DPP10: variants seen among roughly 807,000 people sequenced by gnomAD.
DPP10 encodes inactive dipeptidyl peptidase 10.
DPP10 carries 33 observed loss-of-function variants against 120.9 expected under a neutral mutation model. The observed-to-expected ratio is 0.27, with a 90% CI of 0.21 to 0.37. The LOEUF is 0.37. Among genes scored for constraint, DPP10 ranks in the 10% least tolerant of loss-of-function variants. The pLI, the probability that DPP10 is intolerant of heterozygous loss-of-function variation, is 1.00. For synonymous variants in DPP10, 337 were observed against 326.1 expected (o/e 1.03, Z -0.36); for missense variants, 816 against 942.8 (o/e 0.87, Z 1.76).
chr2:114,606,564 G>C (rs544736999), intron 1 of DPP10, among the ~76,000 whole-genome samples: 1 of 151,940 alleles, frequency 6.6e-6, no homozygotes, highest in South Asian at 2.1e-4. Flanking sequence ...TCATATATTC[G>C]GACCAGTCTA....
intron 1 of DPP10, among the ~76,000 whole-genome samples, chr2:115,006,731 AC>A (rs1361386922): frequency 2.0e-5 from 3 of 152,144 alleles, no homozygotes; most frequent in Non-Finnish European, 4.4e-5. Flanking sequence ...GTCCTGAGTG[AC>A]CTAAAAAGAG....
intron 2 of DPP10, among the ~76,000 whole-genome samples, chr2:115,312,379 G>T (rs1276353008): frequency 6.6e-6 from 1 of 152,072 alleles, no homozygotes; most frequent in Non-Finnish European, 1.5e-5. Context: ...CCTTTACGGT[G>T]GGCTCAACCC....
chr2:115,209,313 T>C (rs1228722610), intron 1 of DPP10, among the ~76,000 whole-genome samples: 1 of 152,122 alleles, frequency 6.6e-6, no homozygotes, highest in Non-Finnish European at 1.5e-5. Flanking sequence ...AATGAAGCTA[T>C]TTATAAATCT....
At chr2:115,810,407 C>G (rs961284326) in intron 19 of DPP10, among the ~76,000 whole-genome samples, 3 of 152,120 alleles carry the variant, frequency 2.0e-5, no homozygotes, top group Non-Finnish European at 4.4e-5. Context: ...GAACAAATCT[C>G]TATACTTTAA....
At chr2:114,863,431 G>A (rs373778191) in intron 1 of DPP10, among the ~76,000 whole-genome samples, 17 of 152,130 alleles carry the variant, frequency 1.1e-4, no homozygotes, top group African/African-American at 3.9e-4. Context: ...ATCAGACGTC[G>A]TGTTCTGAAA....
chr2:115,321,973 C>A (rs1405586568), intron 2 of DPP10, among the ~76,000 whole-genome samples: 1 of 152,106 alleles, frequency 6.6e-6, no homozygotes, highest in African/African-American at 2.4e-5. Flanking sequence ...TGATTTCCTT[C>A]AGCTCTGTGA....
At chr2:115,312,352 G>T (rs1465718080) in intron 2 of DPP10, among the ~76,000 whole-genome samples, 1 of 152,086 alleles carries the variant, frequency 6.6e-6, no homozygotes, top group African/African-American at 2.4e-5. Context: ...CAGCAAAATG[G>T]CAGTGTAGTC....
intron 3 of DPP10, among the ~76,000 whole-genome samples, chr2:115,371,495 A>G (rs1000498026): frequency 6.6e-6 from 1 of 152,144 alleles, no homozygotes; most frequent in Non-Finnish European, 1.5e-5. Context: ...TTTATTGAAT[A>G]CCTTTTTCCC....
intron 1 of DPP10, among the ~76,000 whole-genome samples, chr2:114,882,359 A>G (rs1691715352): frequency 6.6e-6 from 1 of 152,152 alleles, no homozygotes; most frequent in African/African-American, 2.4e-5. Context: ...ATTTGCAGCA[A>G]GTTGGATGGA....
chr2:115,282,440 A>G (rs11902982), intron 1 of DPP10, among the ~76,000 whole-genome samples: 2,086 of 152,238 alleles, frequency 0.014, 44 homozygotes, highest in African/African-American at 0.048. Context: ...TTCTGAAAAT[A>G]GAATTAAAAA....
chr2:114,821,333 T>A (rs778010466), intron 1 of DPP10, among the ~76,000 whole-genome samples: 5 of 152,168 alleles, frequency 3.3e-5, no homozygotes, highest in Admixed American at 6.5e-5. Context: ...ACAATGGTGG[T>A]GAGAATTGCC....
At chr2:114,629,739 T>C (rs765484048) in intron 1 of DPP10, among the ~76,000 whole-genome samples, 17 of 152,176 alleles carry the variant, frequency 1.1e-4, no homozygotes, top group Non-Finnish European at 1.3e-4. Flanking sequence ...CATTAAAATG[T>C]GTATACCGTT....
chr2:115,542,271 G>A (rs896152907), intron 5 of DPP10, among the ~76,000 whole-genome samples: 4 of 151,694 alleles, frequency 2.6e-5, no homozygotes, highest in Non-Finnish European at 4.4e-5. Context: ...CTGGCAACCC[G>A]TTTTCCATTT....
rs150639968 is a variant in DPP10 at position 114,451,572 on chromosome 2, A to G, written c.60+8734A>G. Among the ~76,000 whole-genome samples the G allele has an allele frequency of 2.1e-3, 327 of 152,266 alleles. 3 individuals carry two copies. The highest frequency in any genetic ancestry group is 7.6e-3 in the African/African-American group (314 of 41,574). ...AAACAGAGAAAATGTGCAAAGATGA[A>G]GAAAAAAGGCAATGCAACTGTCATG... On this transcript the variant is annotated intron_variant, in intron 1 of 25. Transcript: ENST00000410059.
intron 1 of DPP10, among the ~76,000 whole-genome samples, chr2:115,167,273 A>T (rs889926777): frequency 1.3e-5 from 2 of 151,756 alleles, no homozygotes; most frequent in African/African-American, 2.4e-5. Context: ...AAAAAAAAAA[A>T]AATCTGGGCC....
intron 5 of DPP10, among the ~76,000 whole-genome samples, chr2:115,543,802 G>A (rs1261031532): frequency 5.3e-5 from 8 of 151,958 alleles, no homozygotes; most frequent in African/African-American, 1.9e-4. Flanking sequence ...GTCAATGAGC[G>A]TTAACATTTG....
chr2:115,791,121 T>C lies in DPP10; in HGVS notation c.1572T>C (p.Ala524=). The change falls in exon 18 of 26, where the codon GCT becomes GCC. Residue 524 remains alanine, a synonymous_variant. Transcript: ENST00000410059. ...ILESNSMLKE[A]ILKKKIGKPE... ...AAAGCAATTCTATGCTGAAGGAAGC[T>C]ATCCTGAAGAAGAAGATAGGAAAGC... 1 of 1,613,498 alleles carries C rather than the reference T, an allele frequency of 6.2e-7. No homozygotes were observed. Among genetic ancestry groups the C allele is most frequent in the South Asian group, 1.1e-5 (1 of 91,014 alleles).
chr2:115,112,206 C>T (rs894970377), intron 1 of DPP10, among the ~76,000 whole-genome samples: 1 of 151,874 alleles, frequency 6.6e-6, no homozygotes, highest in Non-Finnish European at 1.5e-5. Context: ...ATATTTTTTC[C>T]ATTAAAATAA....
intron 1 of DPP10, among the ~76,000 whole-genome samples, chr2:114,480,451 C>G (rs144865087): frequency 1.3e-5 from 2 of 152,088 alleles, no homozygotes; most frequent in Middle Eastern, 6.8e-3. Flanking sequence ...GACTTGGAAC[C>G]GACCCAAATG....
Sources: allele counts gnomAD v4.1 joint callset (sites outside exome capture counted in the v4.1 genomes callset), GRCh38; gene constraint gnomAD v4.1.1; transcripts MANE v1.5; gene names NCBI Gene and HGNC (gene_info 2026-07-23, HGNC 2026-07-21).